RCOR3: variants seen among roughly 807,000 people sequenced by gnomAD.
The protein encoded by RCOR3 is REST corepressor 3.
In RCOR3, 13 loss-of-function variants were observed where a neutral mutation model predicts 64.1. The ratio of observed to expected loss-of-function variants is 0.20; its 90% CI spans 0.13 to 0.32. The LOEUF (loss-of-function observed/expected upper bound fraction) is 0.32, where lower values mean the gene tolerates loss of function less well. RCOR3 is among the 10% of genes least tolerant of loss of function. RCOR3 has a pLI of 1.00. For missense variants in RCOR3, 489 were observed against 701.2 expected (o/e 0.70, Z 3.42); for synonymous variants, 215 against 239.0 (o/e 0.90, Z 0.93).
chr1:211,290,897 T>G (rs1018778416), intron 8 of RCOR3, among the ~76,000 whole-genome samples: 1 of 152,182 alleles, frequency 6.6e-6, no homozygotes, highest in African/African-American at 2.4e-5. Flanking sequence ...GCTGAAGGAC[T>G]TTAAGGAAAG....
chr1:211,287,625 T>C (rs1698707807), intron 7 of RCOR3, among the ~76,000 whole-genome samples: 2 of 152,196 alleles, frequency 1.3e-5, no homozygotes, highest in South Asian at 4.1e-4. Context: ...CTTACACTTG[T>C]AATCCCAGCA....
At chr1:211,270,132 G>T (rs1695910660) in intron 2 of RCOR3, among the ~76,000 whole-genome samples, 1 of 149,834 alleles carries the variant, frequency 6.7e-6, no homozygotes, top group Non-Finnish European at 1.5e-5. Context: ...GTGTGACCTC[G>T]GCTCACTGGC....
intron 10 of RCOR3, among the ~76,000 whole-genome samples, chr1:211,308,676 TTTTTTTTG>T (rs1558111490): frequency 0.01 from 361 of 35,806 alleles, 12 homozygotes; most frequent in Middle Eastern, 0.03. Context: ...TTTTTTTGTT[TTTTTTTTG>T]TTTTTTTTTT....
At chr1:211,279,675 G>A (rs940552128) in intron 7 of RCOR3, among the ~76,000 whole-genome samples, 5 of 152,084 alleles carry the variant, frequency 3.3e-5, no homozygotes, top group Admixed American at 6.5e-5. Flanking sequence ...CTGTAATTTT[G>A]TGTTTTACTG....
intron 9 of RCOR3, among the ~76,000 whole-genome samples, chr1:211,300,462 G>T (rs1287065311): frequency 1.3e-5 from 2 of 151,958 alleles, no homozygotes; most frequent in African/African-American, 4.8e-5. Flanking sequence ...GATTCCCCTT[G>T]CCTTTTTCTG....
At chr1:211,266,088 G>A (rs1695135796) in intron 2 of RCOR3, among the ~76,000 whole-genome samples, 1 of 152,116 alleles carries the variant, frequency 6.6e-6, no homozygotes, top group African/African-American at 2.4e-5. Flanking sequence ...AAATAGGGAA[G>A]TTAAAGTTGT....
At chr1:211,279,007 T>C (rs1406598514) in intron 6 of RCOR3, among the ~76,000 whole-genome samples, 2 of 151,972 alleles carry the variant, frequency 1.3e-5, no homozygotes, top group African/African-American at 4.8e-5. Flanking sequence ...GCCAACATGG[T>C]GAAACCCCGT....
chr1:211,286,716 G>C (rs998160440), intron 7 of RCOR3, among the ~76,000 whole-genome samples: 6 of 152,174 alleles, frequency 3.9e-5, no homozygotes, highest in Non-Finnish European at 8.8e-5. Flanking sequence ...TTAATAGAAG[G>C]CCCTTAGAAT....
intron 9 of RCOR3, among the ~76,000 whole-genome samples, chr1:211,300,670 T>A (rs1011378393): frequency 2.0e-5 from 3 of 152,226 alleles, no homozygotes; most frequent in African/African-American, 4.8e-5. Context: ...ATATCATATG[T>A]TCATTTAAAT....
chr1:211,277,859 C>T (rs1010736998), intron 5 of RCOR3, among the ~76,000 whole-genome samples: 1 of 152,170 alleles, frequency 6.6e-6, no homozygotes, highest in Non-Finnish European at 1.5e-5. Context: ...GCGCTGGGAA[C>T]TTCTGGGGAC....
At chr1:211,280,522 C>T (rs889843655) in intron 7 of RCOR3, among the ~76,000 whole-genome samples, 2 of 152,132 alleles carry the variant, frequency 1.3e-5, no homozygotes, top group Non-Finnish European at 2.9e-5. Context: ...CTTAATATCC[C>T]TCTCTCACAG....
chr1:211,274,647 C>G (rs1045465606), intron 4 of RCOR3, among the ~76,000 whole-genome samples: 3 of 151,902 alleles, frequency 2.0e-5, no homozygotes, highest in Non-Finnish European at 4.4e-5. Context: ...TTTAATGATA[C>G]AGGTAATTCT....
chr1:211,260,243 C>A, intron 2 of RCOR3, 79 bp downstream of exon 2: 3 of 1,323,830 alleles, frequency 2.3e-6, no homozygotes, highest in Non-Finnish European at 3.2e-6. Flanking sequence ...GGAGTCCGGG[C>A]ATGGGGCCGG....
chr1:211,266,475 C>T (rs6700633), intron 2 of RCOR3, among the ~76,000 whole-genome samples: 144,038 of 152,294 alleles, frequency 0.95, 68,278 homozygotes, highest in East Asian at 1. Context: ...AATGTTTTTA[C>T]TTAAAACTGA....
At chr1:211,291,696 T>G (rs1049655728) in intron 8 of RCOR3, 14 of 395,848 alleles carry the variant, frequency 3.5e-5, no homozygotes, top group Non-Finnish European at 6.4e-5. Context: ...TCACCCAAAC[T>G]GCTTTTCTGG....
Position 211,289,336 on chromosome 1 carries a change from C to T in RCOR3, c.879C>T (p.Pro293=). 1 of 1,614,086 alleles carries T rather than the reference C, an allele frequency of 6.2e-7. No homozygotes were observed. Among genetic ancestry groups the T allele is most frequent in the Non-Finnish European group, 8.5e-7 (1 of 1,180,018 alleles). ...ATGTGGTAGCAGTTTCCTGTAGTCC[C>T]AATGCAGCCAACACCATCCTGAGGC... ...QEDVVAVSCS[P]NAANTILRQL... Residue 293 remains proline (P), a synonymous_variant, in exon 8 of 12, where the codon CCC becomes CCT. Coordinates refer to ENST00000419091, the MANE Select transcript of RCOR3 (RefSeq NM_001136223.3).
rs1031185008 is a variant in RCOR3 at position 211,315,996 on chromosome 1, A to G, written c.*2228A>G. On this transcript the variant is annotated 3_prime_UTR_variant, in exon 12 of 12. Coordinates refer to ENST00000419091, the MANE Select transcript of RCOR3 (RefSeq NM_001136223.3). The stretch of plus-strand genomic sequence containing the variant: ...GAGTGATATGCTTGCTGCTTAATCA[A>G]AGGATTAAAGATTTAAAGATGTCTA... 1 of 152,202 alleles carries G rather than the reference A, an allele frequency of 6.6e-6. No homozygotes were observed. The highest frequency in any genetic ancestry group is 1.5e-5 in the Non-Finnish European group (1 of 68,028). 9.4% of individuals were successfully genotyped at this position (152,202 alleles called of 1,614,324 possible). A position where few individuals can be genotyped will look rare whatever the true frequency, so the allele number is the denominator to read the frequency against.
At position 211,304,159 on chromosome 1, in the gene RCOR3, GT is replaced by G. The variant is rs754180075; in HGVS notation, c.1075+21del. 257 of 1,524,788 alleles carry G rather than the reference GT, an allele frequency of 1.7e-4. No homozygotes were observed. The highest frequency in any genetic ancestry group is 2.0e-4 in the Non-Finnish European group (225 of 1,128,714). 94.5% of individuals were successfully genotyped at this position (1,524,788 alleles called of 1,614,324 possible). ...GTGCAAGGTATATTAAAGATAAGCA[GT>G]TATTGTTGTTAATAATTATTTAATT... On this transcript the variant is annotated intron_variant, in intron 10 of 11. Coordinates refer to ENST00000419091, the MANE Select transcript of RCOR3 (RefSeq NM_001136223.3).
rs1291014045 is a variant in RCOR3, at chr1:211,271,310, G to GT, written c.301+2dup. The GT allele has an allele frequency of 6.2e-7, 1 of 1,611,942 alleles. No individual in the cohort carries two copies. Among genetic ancestry groups the GT allele is most frequent in the African/African-American group, 1.3e-5 (1 of 74,862 alleles). On this transcript the variant is annotated splice_donor_variant, in intron 3 of 11. Transcript: ENST00000419091. LOFTEE classifies it high-confidence loss of function. The stretch of plus-strand genomic sequence containing the variant: ...TATCACAGTATCCCAGATGCCAAAT[G>GT]TAAGTTTTCTGAAGTTGAATGTTAA...
Sources: gnomAD v4.1 joint callset for allele counts (sites outside exome capture counted in the v4.1 genomes callset) on GRCh38, gnomAD v4.1.1 for gene constraint, MANE v1.5 for transcripts, NCBI Gene and HGNC (gene_info 2026-07-23, HGNC 2026-07-21) for gene names.